PTPRK: variants seen among roughly 807,000 people sequenced by gnomAD.
PTPRK encodes protein tyrosine phosphatase receptor type K.
A neutral mutation model predicts 178.0 loss-of-function variants in PTPRK; 75 were observed. The ratio of observed to expected loss-of-function variants is 0.42; its 90% CI spans 0.35 to 0.51. PTPRK has a LOEUF of 0.51. PTPRK is among the 20% of genes least tolerant of loss of function. The probability of loss-of-function intolerance (pLI) is 0.02; values close to 1 mark genes in which losing one functional copy is unlikely to be tolerated. For synonymous variants in PTPRK, 637 were observed against 620.6 expected (o/e 1.03, Z -0.39); for missense variants, 1,441 against 1,797.8 (o/e 0.80, Z 3.59).
At chr6:128,006,960 C>T (rs1778499597) in intron 14 of PTPRK, among the ~76,000 whole-genome samples, 2 of 150,818 alleles carry the variant, frequency 1.3e-5, no homozygotes, top group Admixed American at 1.3e-4. Context: ...TACATGTATT[C>T]ATCCCAGTGA....
rs374084112 is a variant in PTPRK, at chr6:127,992,715, A to G, written c.2845-6T>C. 7 of 1,575,740 alleles carry G rather than the reference A, an allele frequency of 4.4e-6. No individual in the cohort carries two copies. Among genetic ancestry groups the G allele is most frequent in the Non-Finnish European group, 6.0e-6 (7 of 1,162,518 alleles). On this transcript the variant is annotated splice_polypyrimidine_tract_variant and splice_region_variant and intron_variant, in intron 18 of 29. Transcript: ENST00000368226. The stretch of plus-strand genomic sequence containing the variant: ...TGACTTGGTCTCTGGTAGCCCTAAA[A>G]TAAGAGAACAAATTAGTTATCATTT...
chr6:128,243,191 A>G (rs1814773273), intron 3 of PTPRK, among the ~76,000 whole-genome samples: 1 of 152,194 alleles, frequency 6.6e-6, no homozygotes, highest in African/African-American at 2.4e-5. Flanking sequence ...GATTAGAGAC[A>G]TAGGCATGGA....
intron 13 of PTPRK, among the ~76,000 whole-genome samples, chr6:128,015,815 A>C (rs1410908352): frequency 4.0e-5 from 6 of 151,816 alleles, no homozygotes; most frequent in Non-Finnish European, 5.9e-5. Context: ...GATTGTAAAT[A>C]TTCAGCTTTA....
At chr6:128,377,713 A>C (rs1328632423) in intron 2 of PTPRK, among the ~76,000 whole-genome samples, 1 of 151,966 alleles carries the variant, frequency 6.6e-6, no homozygotes, top group East Asian at 1.9e-4. Context: ...CAACCAACAA[A>C]AAAAAAAGAA....
intron 1 of PTPRK, among the ~76,000 whole-genome samples, chr6:128,461,512 C>T (rs1302425382): frequency 2.6e-5 from 4 of 152,054 alleles, no homozygotes; most frequent in African/African-American, 9.7e-5. Flanking sequence ...ATGAAAGCAC[C>T]TGGCCACAAT....
chr6:128,318,027 C>A (rs138357887), intron 3 of PTPRK, among the ~76,000 whole-genome samples: 2 of 152,150 alleles, frequency 1.3e-5, no homozygotes, highest in Non-Finnish European at 2.9e-5. Context: ...CAGGAAGTTA[C>A]CGCTATATGA....
intron 3 of PTPRK, among the ~76,000 whole-genome samples, chr6:128,298,249 C>T (rs1392055109): frequency 5.2e-4 from 79 of 152,120 alleles, no homozygotes; most frequent in African/African-American, 1.9e-3. Context: ...AGCTTACCAA[C>T]CAAAAAGAGT....
Position 128,464,653 on chromosome 6 carries a change from A to ATG in PTPRK, c.100+55605_100+55606insCA, listed in dbSNP as rs1368540016. ...TATATATACACATATATATATATAT[A>ATG]TATATATATATATATATATATACAA... On this transcript the variant is annotated intron_variant, in intron 1 of 29. Coordinates refer to ENST00000368226, the MANE Select transcript of PTPRK (RefSeq NM_002844.4). Among the ~76,000 whole-genome samples, 55 of 107,688 alleles carry ATG rather than the reference A, an allele frequency of 5.1e-4. 3 individuals carry two copies. The East Asian group carries it at 7.5e-3, about 15-fold the overall frequency. 70.6% of individuals were successfully genotyped at this position (107,688 alleles called of 152,430 possible). A position where few individuals can be genotyped will look rare whatever the true frequency, so the allele number is the denominator to read the frequency against.
intron 2 of PTPRK, among the ~76,000 whole-genome samples, chr6:128,332,006 C>A (rs1414801863): frequency 2.6e-5 from 4 of 151,926 alleles, no homozygotes; most frequent in Non-Finnish European, 5.9e-5. Context: ...TCAGGCAACA[C>A]AAAAAAACTA....
At chr6:128,232,495 C>T (rs1812472984) in intron 5 of PTPRK, among the ~76,000 whole-genome samples, 1 of 152,150 alleles carries the variant, frequency 6.6e-6, no homozygotes, top group African/African-American at 2.4e-5. Context: ...TTTACTACCT[C>T]CTGGAGCAGC....
chr6:128,518,750 G>A (rs1291603455), intron 1 of PTPRK, among the ~76,000 whole-genome samples: 1 of 152,198 alleles, frequency 6.6e-6, no homozygotes, highest in African/African-American at 2.4e-5. Flanking sequence ...GCATAGAGCT[G>A]TTACCCTCTG....
At chr6:128,367,721 A>C (rs1835715394) in intron 2 of PTPRK, among the ~76,000 whole-genome samples, 1 of 152,178 alleles carries the variant, frequency 6.6e-6, no homozygotes, top group African/African-American at 2.4e-5. Flanking sequence ...TTCTCCTTCT[A>C]AATTATTTCA....
At chr6:128,088,246 C>T (rs1562561386) in intron 8 of PTPRK, among the ~76,000 whole-genome samples, 1 of 151,856 alleles carries the variant, frequency 6.6e-6, no homozygotes, top group African/African-American at 2.4e-5. Context: ...GGCATGGTGG[C>T]AGGTGCCTGT....
At chr6:128,491,416 C>T (rs1006938741) in intron 1 of PTPRK, among the ~76,000 whole-genome samples, 2 of 152,198 alleles carry the variant, frequency 1.3e-5, no homozygotes, top group Admixed American at 6.5e-5. Flanking sequence ...TTGATTTTCT[C>T]ACATTCCCAG....
intron 2 of PTPRK, among the ~76,000 whole-genome samples, chr6:128,364,572 A>T (rs1026333090): frequency 6.6e-6 from 1 of 152,238 alleles, no homozygotes; most frequent in Non-Finnish European, 1.5e-5. Flanking sequence ...TTAATAAGGC[A>T]TTGTTAAGTA....
At chr6:127,978,643 C>T (rs139990519) in intron 25 of PTPRK, among the ~76,000 whole-genome samples, 2 of 152,286 alleles carry the variant, frequency 1.3e-5, no homozygotes, top group East Asian at 1.9e-4. Context: ...CAAATGTCTG[C>T]TCCATGCAAA....
At chr6:128,343,584 C>CA (rs1409048999) in intron 2 of PTPRK, among the ~76,000 whole-genome samples, 2 of 149,682 alleles carry the variant, frequency 1.3e-5, no homozygotes, top group Admixed American at 6.6e-5. Flanking sequence ...CATTTAAAGA[C>CA]AAAAAATAAA....
At chr6:128,153,165 A>C (rs1797511879) in intron 7 of PTPRK, among the ~76,000 whole-genome samples, 1 of 152,054 alleles carries the variant, frequency 6.6e-6, no homozygotes. Flanking sequence ...ACAAGATAAA[A>C]TATAAATAAC....
At chr6:128,063,727 T>C (rs1480923188) in intron 13 of PTPRK, among the ~76,000 whole-genome samples, 3 of 152,200 alleles carry the variant, frequency 2.0e-5, no homozygotes, top group African/African-American at 7.2e-5. Context: ...ATTGAAAAAG[T>C]ATATTTTTTT....
Sources: allele counts gnomAD v4.1 joint callset (sites outside exome capture counted in the v4.1 genomes callset), GRCh38; gene constraint gnomAD v4.1.1; transcripts MANE v1.5; gene names NCBI Gene and HGNC (gene_info 2026-07-23, HGNC 2026-07-21).